Variants in GPR158 observed in about 807,000 individuals in gnomAD.
GPR158 encodes the protein G protein-coupled receptor 158, also known as metabotropic glycine receptor.
A neutral mutation model predicts 78.2 loss-of-function variants in GPR158; 30 were observed. The ratio of observed to expected loss-of-function variants is 0.38; its 90% CI spans 0.29 to 0.52. The LOEUF (loss-of-function observed/expected upper bound fraction) is 0.52. GPR158 is among the 20% of genes least tolerant of loss of function. The probability of loss-of-function intolerance (pLI) is 0.83; values close to 1 mark genes in which losing one functional copy is unlikely to be tolerated. For synonymous variants in GPR158, 581 were observed against 591.1 expected (o/e 0.98, Z 0.25); for missense variants, 1,463 against 1,523.5 (o/e 0.96, Z 0.66).
chr10:25,290,525 G>T (rs1292148971), intron 2 of GPR158, among the ~76,000 whole-genome samples: 2 of 152,080 alleles, frequency 1.3e-5, no homozygotes, highest in Non-Finnish European at 2.9e-5. Context: ...AAAAGAAACT[G>T]TGATTTTGAA....
chr10:25,597,992 G>A lies in GPR158; in HGVS notation c.2366G>A (p.Arg789Lys). Reference sequence around the variant, plus strand: ...ACAGCCAAAGGCACTGCCCTCATCAGGAAGAACCCCCCAGAGTCTTCAGGG... The same window carrying A: ...ACAGCCAAAGGCACTGCCCTCATCAAGAAGAACCCCCCAGAGTCTTCAGGG... ...HGTAKGTALI[R>K]KNPPESSGNT... Residue 789 changes from arginine to lysine, a missense_variant, in exon 11 of 11, where the codon AGG becomes AAG. Coordinates refer to ENST00000376351, the MANE Select transcript of GPR158 (RefSeq NM_020752.3). The A allele has an allele frequency of 6.2e-7, 1 of 1,614,148 alleles. No individual in the cohort carries two copies. The highest frequency in any genetic ancestry group is 1.1e-5 in the South Asian group (1 of 91,084).
intron 2 of GPR158, among the ~76,000 whole-genome samples, chr10:25,236,804 A>C (rs1441148485): frequency 6.6e-6 from 1 of 152,056 alleles, no homozygotes; most frequent in African/African-American, 2.4e-5. Context: ...TAACACCTAG[A>C]ATGCTGTACT....
At chr10:25,525,085 C>T (rs999375976) in intron 5 of GPR158, among the ~76,000 whole-genome samples, 2 of 152,020 alleles carry the variant, frequency 1.3e-5, no homozygotes, top group Admixed American at 6.5e-5. Context: ...TTCACACCCA[C>T]AAGGATGGCT....
intron 2 of GPR158, among the ~76,000 whole-genome samples, chr10:25,352,706 A>G (rs1264572201): frequency 6.6e-6 from 1 of 152,036 alleles, no homozygotes; most frequent in Non-Finnish European, 1.5e-5. Flanking sequence ...TAGTTCTAAG[A>G]GGATAAAGGT....
chr10:25,210,803 C>A (rs762407982), intron 1 of GPR158, among the ~76,000 whole-genome samples: 1 of 152,148 alleles, frequency 6.6e-6, no homozygotes, highest in Non-Finnish European at 1.5e-5. Context: ...AATATGTCAT[C>A]TTTCAGTTAA....
intron 2 of GPR158, chr10:25,244,737 A>T (rs1023312735): frequency 1.3e-5 from 2 of 152,086 alleles, no homozygotes; most frequent in Non-Finnish European, 2.9e-5. Flanking sequence ...CACCATCCTG[A>T]TACATATTGG....
chr10:25,512,360 A>C (rs1836097137), intron 5 of GPR158, among the ~76,000 whole-genome samples: 1 of 152,150 alleles, frequency 6.6e-6, no homozygotes, highest in Non-Finnish European at 1.5e-5. Context: ...TAGCAGAGCC[A>C]CTGCTTTGTG....
At chr10:25,292,527 C>T (rs1378956789) in intron 2 of GPR158, among the ~76,000 whole-genome samples, 1 of 151,942 alleles carries the variant, frequency 6.6e-6, no homozygotes, top group African/African-American at 2.4e-5. Context: ...CTCTTTTTAT[C>T]ATTAGATTAT....
At chr10:25,282,121 T>C (rs1407944457) in intron 2 of GPR158, among the ~76,000 whole-genome samples, 1 of 152,160 alleles carries the variant, frequency 6.6e-6, no homozygotes, top group Non-Finnish European at 1.5e-5. Context: ...GATGCCCCTT[T>C]AAAATCATCC....
At chr10:25,291,680 GAAAA>G (rs2130765054) in intron 2 of GPR158, among the ~76,000 whole-genome samples, 1 of 151,798 alleles carries the variant, frequency 6.6e-6, no homozygotes, top group South Asian at 2.1e-4. Context: ...AAATGAATGA[GAAAA>G]AACATATTTG....
intron 4 of GPR158, among the ~76,000 whole-genome samples, chr10:25,461,733 C>CTTT (rs35604549): frequency 4.5e-5 from 6 of 132,514 alleles, no homozygotes; most frequent in Admixed American, 1.5e-4. Context: ...CTAGGACTTT[C>CTTT]TTTTTTTTTT....
chr10:25,458,991 TC>T (rs1206805433), intron 4 of GPR158, among the ~76,000 whole-genome samples: 14 of 152,344 alleles, frequency 9.2e-5, no homozygotes, highest in African/African-American at 3.1e-4. Flanking sequence ...TTATCACAGA[TC>T]TTCTTAACAT....
At chr10:25,466,793 CA>C in intron 5 of GPR158, 74 bp downstream of exon 5, 1 of 656,904 alleles carries the variant, frequency 1.5e-6, no homozygotes, top group Non-Finnish European at 2.6e-6. Flanking sequence ...TGTTTACACA[CA>C]CACACACACA....
intron 2 of GPR158, among the ~76,000 whole-genome samples, chr10:25,376,357 T>G (rs1256198876): frequency 6.6e-6 from 1 of 151,572 alleles, no homozygotes; most frequent in Non-Finnish European, 1.5e-5. Flanking sequence ...AATTATAGGG[T>G]TTTTTTGTTT....
At chr10:25,183,557 C>T (rs1440891464) in intron 1 of GPR158, among the ~76,000 whole-genome samples, 1 of 152,126 alleles carries the variant, frequency 6.6e-6, no homozygotes, top group Non-Finnish European at 1.5e-5. Context: ...CTATTCTCTT[C>T]CCCCACACAA....
chr10:25,428,017 C>T (rs1834847463), intron 4 of GPR158, among the ~76,000 whole-genome samples: 1 of 151,906 alleles, frequency 6.6e-6, no homozygotes, highest in African/African-American at 2.4e-5. Context: ...AGTCATACCT[C>T]TTACTAAAAG....
intron 4 of GPR158, chr10:25,466,274 G>A (rs1835421959): frequency 1.2e-5 from 2 of 164,202 alleles, no homozygotes; most frequent in African/African-American, 2.4e-5. Flanking sequence ...TGTGGTCCAC[G>A]GTTTCATTCC....
At chr10:25,201,740 G>A (rs1380323721) in intron 1 of GPR158, among the ~76,000 whole-genome samples, 1 of 151,174 alleles carries the variant, frequency 6.6e-6, no homozygotes, top group Non-Finnish European at 1.5e-5. Context: ...AGATGATCCT[G>A]TTTTTTTTTA....
chr10:25,306,078 A>G (rs1010836554), intron 2 of GPR158, among the ~76,000 whole-genome samples: 4 of 152,116 alleles, frequency 2.6e-5, no homozygotes, highest in African/African-American at 4.8e-5. Context: ...TTTAGTGTAC[A>G]GTTGTTGGCT....
Sources: gnomAD v4.1 joint callset for allele counts (sites outside exome capture counted in the v4.1 genomes callset) on GRCh38, gnomAD v4.1.1 for gene constraint, MANE v1.5 for transcripts, NCBI Gene and HGNC (gene_info 2026-07-23, HGNC 2026-07-21) for gene names.